Variants in PIWIL3 observed in about 807,000 individuals in gnomAD.
PIWIL3 encodes piwi-like protein 3.
PIWIL3 carries 101 observed loss-of-function variants against 109.7 expected under a neutral mutation model. The ratio of observed to expected loss-of-function variants is 0.92; its 90% CI spans 0.78 to 1.09. PIWIL3 has a LOEUF of 1.09. Ranked by LOEUF, PIWIL3 falls within the 50% of genes least tolerant of loss-of-function variation. The probability of loss-of-function intolerance (pLI) is 0.00; values close to 1 mark genes in which losing one functional copy is unlikely to be tolerated. For missense variants in PIWIL3, 1,031 were observed against 1,072.6 expected (o/e 0.96, Z 0.54); for synonymous variants, 373 against 376.4 (o/e 0.99, Z 0.10).
In PIWIL3 at chr22:24,762,662, A is replaced by G. The variant is rs1925508273; in HGVS notation, c.-22-141T>C. The G allele has an allele frequency of 3.0e-5, 22 of 732,288 alleles. No homozygotes were observed. In the East Asian group the frequency reaches 6.6e-4, roughly 22 times the overall value. The allele number at this position is 732,288 out of a possible 1,614,324, so 45.4% of individuals were successfully genotyped here. A position where few individuals can be genotyped will look rare whatever the true frequency, so the allele number is the denominator to read the frequency against. On this transcript the variant is annotated intron_variant, in intron 1 of 20. Coordinates refer to ENST00000616349, the MANE Select transcript of PIWIL3 (RefSeq NM_001255975.1). ...TTGGCTCATCATTCTGATGGCTGGA[A>G]AGTCCAAGACTGGGCAGCCCATCTG...
At chr22:24,749,860 C>G in intron 9 of PIWIL3, 41 bp from the exon 10 acceptor site, 1 of 1,613,738 alleles carries the variant, frequency 6.2e-7, no homozygotes, top group Non-Finnish European at 8.5e-7. Flanking sequence ...ATCAGTGAAA[C>G]CTTAGAAACA....
rs2147695514 is a variant in PIWIL3, at chr22:24,749,774, T to A, written c.1135A>T (p.Ser379Cys). ...AGGCCCTTTTTCCATCTGCCCTGGC[T>A]GACCAAAAGTGGCTGTTTCTTCACT... ...VTVKKQPLLV[S>C]QGRWKKGLTG... Residue 379 changes from serine to cysteine, a missense_variant, in exon 10 of 21, where the codon AGC (serine) becomes TGC (cysteine). Transcript: ENST00000616349. The A allele has an allele frequency of 1.2e-6, 2 of 1,613,984 alleles. No individual in the cohort carries two copies. The highest frequency in any genetic ancestry group is 2.2e-5 in the East Asian group (1 of 44,832).
chr22:24,723,869 G>C (rs923435308), intron 18 of PIWIL3, among the ~76,000 whole-genome samples: 2 of 151,982 alleles, frequency 1.3e-5, no homozygotes, highest in Non-Finnish European at 2.9e-5. Context: ...GTAGAGATGG[G>C]GTTTCGCTAT....
At position 24,719,883 on chromosome 22, in the gene PIWIL3, A is replaced by C. The variant is rs368305582; in HGVS notation, c.2370T>G (p.Phe790Leu). Residue 790 changes from phenylalanine to leucine, a missense_variant, in exon 20 of 21, where the codon TTT (phenylalanine) becomes TTG (leucine). Coordinates refer to ENST00000616349, the MANE Select transcript of PIWIL3 (RefSeq NM_001255975.1). ...ELTRNEWYDF[F>L]IVSQSVQDGT... is the part of the protein sequence containing the mutation. ...CATCTTGCACAGACTGACTCACAATAAAAAAGTCATACCTGGAAATATAGG... is the reference window on the plus strand; with the variant it reads ...CATCTTGCACAGACTGACTCACAATCAAAAAGTCATACCTGGAAATATAGG... 6.8e-5 allele frequency: 109 copies of C among 1,609,766 alleles called. 1 individual carries two copies. Among genetic ancestry groups the C allele is most frequent in the Middle Eastern group, 1.7e-4 (1 of 6,052 alleles).
chr22:24,748,908 ATTC>A lies in PIWIL3; in HGVS notation c.1445_1447del (p.Arg482del), dbSNP rs776006883. 1 of 1,604,894 alleles carries A rather than the reference ATTC, an allele frequency of 6.2e-7. No individual in the cohort carries two copies. Among genetic ancestry groups the A allele is most frequent in the East Asian group, 2.2e-5 (1 of 44,700 alleles). ...ATGATGATTTTGAAACTGTCTTACC[ATTC>A]TTCTGCCTTGCACGATGTTTGCGTT... On this transcript the variant is annotated inframe_deletion and splice_region_variant, in exon 12 of 21. Coordinates refer to ENST00000616349, the MANE Select transcript of PIWIL3 (RefSeq NM_001255975.1).
chr22:24,735,078 C>T (rs1373084959), intron 13 of PIWIL3, among the ~76,000 whole-genome samples: 1 of 151,966 alleles, frequency 6.6e-6, no homozygotes, highest in Non-Finnish European at 1.5e-5. Flanking sequence ...AATTAGTGGT[C>T]CTCAGAGGTT....
intron 11 of PIWIL3, among the ~76,000 whole-genome samples, 180 bp downstream of exon 11, chr22:24,749,224 T>C (rs987401324): frequency 6.6e-6 from 1 of 152,138 alleles, no homozygotes; most frequent in Admixed American, 6.6e-5. Flanking sequence ...GATTTCATTC[T>C]TCCCCCCCGG....
In PIWIL3 at chr22:24,748,887, T is replaced by C. The variant is rs780601681; in HGVS notation, c.1449+20A>G. ...TTCATTTGACCCCACCATGACATGA[T>C]GATTTTGAAACTGTCTTACCATTCT... On this transcript the variant is annotated intron_variant, in intron 12 of 20. Coordinates refer to ENST00000616349, the MANE Select transcript of PIWIL3 (RefSeq NM_001255975.1). The C allele has an allele frequency of 1.9e-6, 3 of 1,577,696 alleles. No homozygotes were observed. The highest frequency in any genetic ancestry group is 1.7e-6 in the Non-Finnish European group (2 of 1,154,968).
At chr22:24,753,222 G>T (rs1924813818) in intron 8 of PIWIL3, among the ~76,000 whole-genome samples, 1 of 151,834 alleles carries the variant, frequency 6.6e-6, no homozygotes. Flanking sequence ...GGTTTCCCTA[G>T]CTCAAAGTCA....
intron 14 of PIWIL3, among the ~76,000 whole-genome samples, chr22:24,730,105 G>A (rs1030469265): frequency 3.3e-5 from 5 of 151,960 alleles, no homozygotes; most frequent in South Asian, 2.1e-4. Flanking sequence ...AGAGGCTTAC[G>A]CCTGTAATCC....
chr22:24,736,840 C>T (rs1923686189), intron 12 of PIWIL3, among the ~76,000 whole-genome samples: 1 of 152,220 alleles, frequency 6.6e-6, no homozygotes, highest in South Asian at 2.1e-4. Context: ...CAGAACTGAG[C>T]TGTCCTCAGC....
intron 7 of PIWIL3, 71 bp from the exon 8 acceptor site, chr22:24,754,288 C>G: frequency 1.5e-6 from 2 of 1,358,870 alleles, no homozygotes; most frequent in Non-Finnish European, 2.0e-6. Context: ...AGCCTAAGCT[C>G]TGGGTCTAAA....
intron 2 of PIWIL3, among the ~76,000 whole-genome samples, chr22:24,761,608 C>A (rs1254157921): frequency 6.6e-6 from 1 of 152,146 alleles, no homozygotes; most frequent in Non-Finnish European, 1.5e-5. Context: ...AGACAGAGGA[C>A]TGGCTAAGGG....
Position 24,743,867 on chromosome 22 carries a change from TAG to T in PIWIL3, c.1449+5038_1449+5039del, listed in dbSNP as rs543719621. ...TAAAAAGCAAACGACAAATTTAAAA[TAG>T]AGTTTATTCATTTTCTTTTTGCTTG... On this transcript the variant is annotated intron_variant, in intron 12 of 20. Coordinates refer to ENST00000616349, the MANE Select transcript of PIWIL3 (RefSeq NM_001255975.1). 1.4e-3 allele frequency among the ~76,000 whole-genome samples: 206 copies of T among 152,158 alleles called. 2 individuals are homozygous for T. The highest frequency in any genetic ancestry group is 4.8e-3 in the African/African-American group (199 of 41,534).
chr22:24,764,474 A>C (rs995421364), intron 1 of PIWIL3, among the ~76,000 whole-genome samples: 2 of 152,200 alleles, frequency 1.3e-5, no homozygotes, highest in Non-Finnish European at 2.9e-5. Flanking sequence ...ACCCTTACTC[A>C]TCTGGTAAGC....
chr22:24,752,575 C>T (rs568104614), intron 8 of PIWIL3, among the ~76,000 whole-genome samples: 2 of 152,172 alleles, frequency 1.3e-5, no homozygotes, highest in South Asian at 4.1e-4. Flanking sequence ...AATGCCCCTC[C>T]CCCTGCAAGG....
rs150240138 is a variant in PIWIL3 at position 24,754,790 on chromosome 22, C to T, written c.767G>A (p.Arg256His). 9.4e-5 allele frequency: 150 copies of T among 1,602,342 alleles called. No homozygotes were observed. In the African/African-American group the frequency reaches 1.7e-3, roughly 18 times the overall value. Residue 256 changes from arginine to histidine, a missense_variant, in exon 7 of 21, where the codon CGT becomes CAT. Coordinates refer to ENST00000616349, the MANE Select transcript of PIWIL3 (RefSeq NM_001255975.1). ...TTTTCTACTTTATACAAACCCATGA[C>T]GGTATAACTGAATGGCCTTCTTTTT... Reference protein sequence around the residue: ...YTKKKAIQLYRHGTSLEIWLG... With the variant: ...YTKKKAIQLYHHGTSLEIWLG...
Position 24,774,602 on chromosome 22 carries a change from T to C in PIWIL3, c.-303A>G, listed in dbSNP as rs1417788667. 6.6e-6 allele frequency: 1 copy of C among 152,124 alleles called. No individual in the cohort carries two copies. The highest frequency in any genetic ancestry group is 1.5e-5 in the Non-Finnish European group (1 of 68,142). 9.4% of individuals were successfully genotyped at this position (152,124 alleles called of 1,614,324 possible). On this transcript the variant is annotated 5_prime_UTR_variant, in exon 1 of 21. Transcript: ENST00000616349. ...GCGGGTAGATCATGAGGTCAGGAGA[T>C]GGAGACCATCCTGGCTAACACAGTG... is the stretch of plus-strand genomic sequence containing the variant.
intron 12 of PIWIL3, among the ~76,000 whole-genome samples, chr22:24,748,352 ACCTAG>A (rs1480307149): frequency 6.6e-6 from 1 of 152,146 alleles, no homozygotes; most frequent in Non-Finnish European, 1.5e-5. Flanking sequence ...AATGAGTAAG[ACCTAG>A]CATCTGCTAG....
Sources: gnomAD v4.1 joint callset for allele counts (sites outside exome capture counted in the v4.1 genomes callset) on GRCh38, gnomAD v4.1.1 for gene constraint, MANE v1.5 for transcripts, NCBI Gene and HGNC (gene_info 2026-07-23, HGNC 2026-07-21) for gene names.